CEP85L: variants seen among roughly 807,000 people sequenced by gnomAD.
The protein encoded by CEP85L is centrosomal protein of 85 kDa-like.
In CEP85L, 60 loss-of-function variants were observed where a neutral mutation model predicts 100.3. That is an observed-to-expected ratio of 0.60 (90% CI 0.49 to 0.74). CEP85L has a LOEUF of 0.74. CEP85L is among the 30% of genes least tolerant of loss of function. CEP85L has a pLI of 0.00. For missense variants in CEP85L, 973 were observed against 936.2 expected, an observed-to-expected ratio of 1.04 and a Z score of -0.51; for synonymous variants, 319 against 322.7, an observed-to-expected ratio of 0.99 and a Z score of 0.12.
At chr6:118,638,779 A>C (rs1024475397) in intron 1 of CEP85L, among the ~76,000 whole-genome samples, 7 of 152,042 alleles carry the variant, frequency 4.6e-5, no homozygotes, top group Non-Finnish European at 8.8e-5. Context: ...GTGCCTGCGG[A>C]TAACATTAAA....
intron 2 of CEP85L, among the ~76,000 whole-genome samples, chr6:118,612,687 G>C (rs1231794656): frequency 2.6e-5 from 2 of 76,360 alleles, no homozygotes; most frequent in African/African-American, 9.1e-5. Flanking sequence ...GGGGGGGGGG[G>C]GGGGGGACTC....
intron 1 of CEP85L, among the ~76,000 whole-genome samples, chr6:118,647,323 C>T (rs1042839674): frequency 7.2e-5 from 11 of 152,172 alleles, no homozygotes; most frequent in African/African-American, 2.2e-4. Flanking sequence ...AAGTATAATA[C>T]TCTACCTCAA....
Position 118,462,174 on chromosome 6 carries a change from T to A in CEP85L, c.*3231A>T, listed in dbSNP as rs1772267401. On this transcript the variant is annotated 3_prime_UTR_variant, in exon 13 of 13. Transcript: ENST00000368491. The stretch of plus-strand genomic sequence containing the variant: ...GCTATTGAAAGAAGTCTAATTAGGT[T>A]TAATAAACTGTCACCACCAAAATAA... 1 of 152,006 alleles carries A rather than the reference T, an allele frequency of 6.6e-6. No individual in the cohort carries two copies. Among genetic ancestry groups the A allele is most frequent in the Admixed American group, 6.6e-5 (1 of 15,260 alleles). 9.4% of individuals were successfully genotyped at this position (152,006 alleles called of 1,614,324 possible). A position where few individuals can be genotyped will look rare whatever the true frequency, so the allele number is the denominator to read the frequency against.
chr6:118,685,668 T>C (rs1393253115), intron 1 of CEP85L, among the ~76,000 whole-genome samples: 1 of 152,214 alleles, frequency 6.6e-6, no homozygotes, highest in Non-Finnish European at 1.5e-5. Flanking sequence ...ACTTAGACTT[T>C]CCTTTCACTT....
intron 7 of CEP85L, 116 bp downstream of exon 7, chr6:118,483,585 AGAATT>A: frequency 1.2e-6 from 1 of 825,016 alleles, no homozygotes; most frequent in Non-Finnish European, 1.9e-6. Flanking sequence ...GTTTCTTATT[AGAATT>A]AAGTCCCCAA....
In CEP85L at chr6:118,600,298, G is replaced by GTGTGTGTGTGT. The variant is rs1781672559; in HGVS notation, c.232+32154_232+32155insACACACACACA. ...TACTGCCTGTCCCTGAGCCTTCCTG[G>GTGTGTGTGTGT]GGGTGTGTGTGTGTGTGTGTGTGTG... On this transcript the variant is annotated intron_variant, in intron 2 of 12. Coordinates refer to ENST00000368491, the MANE Select transcript of CEP85L (RefSeq NM_001042475.3). Among the ~76,000 whole-genome samples the GTGTGTGTGTGT allele has an allele frequency of 6.1e-4, 36 of 59,194 alleles. 4 individuals carry two copies. Among genetic ancestry groups the GTGTGTGTGTGT allele is most frequent in the African/African-American group, 1.7e-3 (29 of 17,410 alleles). The allele number at this position is 59,194 out of a possible 152,430, so 38.8% of individuals were successfully genotyped here. A position where few individuals can be genotyped will look rare whatever the true frequency, so the allele number is the denominator to read the frequency against.
chr6:118,661,604 G>A (rs1298388480), intron 1 of CEP85L, among the ~76,000 whole-genome samples: 1 of 151,952 alleles, frequency 6.6e-6, no homozygotes, highest in Non-Finnish European at 1.5e-5. Flanking sequence ...TACAGGAATT[G>A]CCTGGATCTT....
Position 118,483,732 on chromosome 6 carries a change from C to T in CEP85L, c.1564G>A (p.Asp522Asn), listed in dbSNP as rs1166947586. 1.9e-6 allele frequency: 3 copies of T among 1,613,476 alleles called. No individual in the cohort carries two copies. The highest frequency in any genetic ancestry group is 1.7e-6 in the Non-Finnish European group (2 of 1,179,720). ...TGTAGACTCTGACTCTGTACATCAT[C>T]TAGAGTTGGAAGATCAGCCAGATAC... is the stretch of plus-strand genomic sequence containing the variant. ...EKYLADLPTLDDVQSQSLQLQ... is the reference protein window; with the variant it reads ...EKYLADLPTLNDVQSQSLQLQ... Residue 522 changes from aspartate to asparagine, a missense_variant, in exon 7 of 13, where the codon GAT (aspartate) becomes AAT (asparagine). Physicochemically the swap from Asp to Asn is conservative, Grantham distance 23 (BLOSUM62 1). Transcript: ENST00000368491.
chr6:118,546,776 G>A (rs1202417399), intron 3 of CEP85L, among the ~76,000 whole-genome samples: 1 of 152,076 alleles, frequency 6.6e-6, no homozygotes, highest in African/African-American at 2.4e-5. Flanking sequence ...ATAGTACTGA[G>A]AGATCCTCAT....
intron 4 of CEP85L, among the ~76,000 whole-genome samples, chr6:118,516,356 T>A (rs1214086671): frequency 6.6e-6 from 1 of 152,222 alleles, no homozygotes; most frequent in African/African-American, 2.4e-5. Context: ...TGAACTAATT[T>A]ACACTCCCAC....
chr6:118,659,018 AT>A (rs1268459833), intron 1 of CEP85L, among the ~76,000 whole-genome samples: 1 of 152,174 alleles, frequency 6.6e-6, no homozygotes, highest in Non-Finnish European at 1.5e-5. Context: ...TCAGAAAAAA[AT>A]CTTACAGACT....
chr6:118,568,292 A>T (rs1282044714), intron 2 of CEP85L, among the ~76,000 whole-genome samples: 1 of 152,222 alleles, frequency 6.6e-6, no homozygotes, highest in Non-Finnish European at 1.5e-5. Context: ...TTGGAAGCTT[A>T]TCCTTAAGCC....
rs1433248219 is a variant in CEP85L at position 118,632,345 on chromosome 6, A to G, written c.232+108T>C. The G allele has an allele frequency of 1.2e-5, 11 of 895,324 alleles. No homozygotes were observed. The African/African-American group carries it at 1.9e-4, about 15-fold the overall frequency. 55.5% of individuals were successfully genotyped at this position (895,324 alleles called of 1,614,324 possible). A position where few individuals can be genotyped will look rare whatever the true frequency, so the allele number is the denominator to read the frequency against. On this transcript the variant is annotated intron_variant, in intron 2 of 12. Transcript: ENST00000368491. ...CAACACTGAACATTATTAAATATTC[A>G]AACACTATAATTTTCAGTATGAAAC... is the stretch of plus-strand genomic sequence containing the variant.
intron 4 of CEP85L, among the ~76,000 whole-genome samples, chr6:118,514,965 C>G (rs1036972836): frequency 1.3e-4 from 19 of 151,542 alleles, no homozygotes; most frequent in Non-Finnish European, 2.1e-4. Context: ...CCACTGTGCC[C>G]GGCTAAGTTT....
At chr6:118,635,086 G>A (rs1486789289) in intron 1 of CEP85L, among the ~76,000 whole-genome samples, 1 of 152,090 alleles carries the variant, frequency 6.6e-6, no homozygotes, top group Non-Finnish European at 1.5e-5. Flanking sequence ...AGGGCAAACT[G>A]GAAAGTGGTA....
At chr6:118,620,030 A>C (rs1294507978) in intron 2 of CEP85L, among the ~76,000 whole-genome samples, 1 of 152,192 alleles carries the variant, frequency 6.6e-6, no homozygotes, top group African/African-American at 2.4e-5. Context: ...GTATCTTGGA[A>C]GGGTTAAGAA....
rs183692115 is a variant in CEP85L at position 118,478,189 on chromosome 6, A to G, written c.1914+1682T>C. Among the ~76,000 whole-genome samples, 288 of 152,246 alleles carry G rather than the reference A, an allele frequency of 1.9e-3. 1 individual carries two copies. Among genetic ancestry groups the G allele is most frequent in the African/African-American group, 6.6e-3 (276 of 41,564 alleles). ...TTTTCAGTGTGTCCAATGCTAGGGA[A>G]ATAATCAGTGCTCCTCTTTTAATAA... On this transcript the variant is annotated intron_variant, in intron 10 of 12. Transcript: ENST00000368491.
intron 1 of CEP85L, among the ~76,000 whole-genome samples, chr6:118,645,085 T>A (rs913485300): frequency 1.3e-5 from 2 of 152,188 alleles, no homozygotes; most frequent in African/African-American, 4.8e-5. Flanking sequence ...CAGGCCTTCC[T>A]CACCTCACAG....
rs185941592 is a variant in CEP85L, at chr6:118,539,510, G to A, written c.1021-15590C>T. ...TCATTAAGTGACAAATATGTTAAGG[G>A]ACCAAAGCACTGCCTACATTATCTT... is the stretch of plus-strand genomic sequence containing the variant. On this transcript the variant is annotated intron_variant, in intron 3 of 12. Transcript: ENST00000368491. 1.1e-3 allele frequency among the ~76,000 whole-genome samples: 175 copies of A among 152,274 alleles called. 1 individual carries two copies. Among genetic ancestry groups the A allele is most frequent in the African/African-American group, 3.8e-3 (156 of 41,554 alleles).
Sources: allele counts gnomAD v4.1 joint callset (sites outside exome capture counted in the v4.1 genomes callset), GRCh38; gene constraint gnomAD v4.1.1; transcripts MANE v1.5; gene names NCBI Gene and HGNC (gene_info 2026-07-23, HGNC 2026-07-21).